Variants in NKAIN2 observed in about 807,000 individuals in gnomAD.
The protein encoded by NKAIN2 is sodium/potassium transporting ATPase interacting 2, also known as sodium/potassium-transporting ATPase subunit beta-1-interacting protein 2.
Under a neutral mutation model 32.6 loss-of-function variants are expected in NKAIN2, and 14 were observed. The observed-to-expected ratio is 0.43, with a 90% CI of 0.28 to 0.67. The LOEUF (loss-of-function observed/expected upper bound fraction) is 0.67, where lower values mean the gene tolerates loss of function less well. NKAIN2 is among the 30% of genes least tolerant of loss of function. The pLI is 0.17. For missense variants in NKAIN2, 198 were observed against 258.3 expected (o/e 0.77, Z 1.60); for synonymous variants, 80 against 87.2 (o/e 0.92, Z 0.46).
At chr6:124,208,379 A>G (rs1189846512) in intron 1 of NKAIN2, among the ~76,000 whole-genome samples, 2 of 151,856 alleles carry the variant, frequency 1.3e-5, no homozygotes, top group African/African-American at 4.8e-5. Flanking sequence ...TCAAACATAT[A>G]AACCCAACAT....
intron 1 of NKAIN2, among the ~76,000 whole-genome samples, chr6:124,272,554 A>C (rs961709403): frequency 3.3e-5 from 5 of 152,196 alleles, no homozygotes; most frequent in Non-Finnish European, 5.9e-5. Context: ...GCCATCATGG[A>C]GAACTTCTGT....
chr6:124,264,701 A>G (rs1284875574), intron 1 of NKAIN2, among the ~76,000 whole-genome samples: 2 of 152,204 alleles, frequency 1.3e-5, no homozygotes, highest in East Asian at 1.9e-4. Context: ...AGCAGCTACC[A>G]TAGCCTTATC....
At chr6:124,810,864 C>A (rs1297195473) in intron 5 of NKAIN2, among the ~76,000 whole-genome samples, 1 of 149,134 alleles carries the variant, frequency 6.7e-6, no homozygotes, top group Non-Finnish European at 1.5e-5. Flanking sequence ...ACCTTTCATG[C>A]AACAACAGGC....
chr6:124,341,456 G>A (rs1038133557), intron 2 of NKAIN2, among the ~76,000 whole-genome samples: 1 of 151,996 alleles, frequency 6.6e-6, no homozygotes, highest in Non-Finnish European at 1.5e-5. Context: ...ATTAAATATG[G>A]CATTTTCTCA....
At chr6:123,806,790 C>CT (rs1366932899) in intron 1 of NKAIN2, among the ~76,000 whole-genome samples, 1 of 151,930 alleles carries the variant, frequency 6.6e-6, no homozygotes, top group Non-Finnish European at 1.5e-5. Context: ...CAAAGAGACT[C>CT]TAAGTTAGAA....
chr6:124,099,517 C>T (rs886550169), intron 1 of NKAIN2, among the ~76,000 whole-genome samples: 5 of 152,094 alleles, frequency 3.3e-5, no homozygotes, highest in East Asian at 1.9e-4. Flanking sequence ...GACATTGTTC[C>T]GCCTTTGCAC....
intron 1 of NKAIN2, among the ~76,000 whole-genome samples, chr6:124,017,293 G>A (rs72974553): frequency 0.13 from 19,378 of 152,112 alleles, 1,497 homozygotes; most frequent in Admixed American, 0.21. Flanking sequence ...ACATGTGGGA[G>A]CTATGGGAGT....
At position 124,521,742 on chromosome 6, in the gene NKAIN2, G is replaced by A. The variant is rs544434298; in HGVS notation, c.274-136444G>A. Among the ~76,000 whole-genome samples the A allele has an allele frequency of 1.1e-4, 16 of 152,164 alleles. No homozygotes were observed. The South Asian group carries it at 1.2e-3, about 12-fold the overall frequency. On this transcript the variant is annotated intron_variant, in intron 3 of 6. Coordinates refer to ENST00000368417, the MANE Select transcript of NKAIN2 (RefSeq NM_001040214.3). ...AAATCAAGAACAGGTAAAATATTTG[G>A]GGCATGTGCTCTATTACTCCCTTGA...
chr6:124,128,839 A>G (rs1786312629), intron 1 of NKAIN2, among the ~76,000 whole-genome samples: 1 of 152,176 alleles, frequency 6.6e-6, no homozygotes, highest in Non-Finnish European at 1.5e-5. Flanking sequence ...CCACTAAAAG[A>G]GTGCAGATTC....
At chr6:124,593,445 G>T (rs1781981178) in intron 3 of NKAIN2, among the ~76,000 whole-genome samples, 1 of 152,096 alleles carries the variant, frequency 6.6e-6, no homozygotes, top group Non-Finnish European at 1.5e-5. Flanking sequence ...AAAGGAGAAA[G>T]TGGGCAGTGG....
intron 4 of NKAIN2, among the ~76,000 whole-genome samples, chr6:124,709,271 G>A (rs1019364095): frequency 8.0e-5 from 12 of 149,080 alleles, no homozygotes; most frequent in Non-Finnish European, 1.6e-4. Flanking sequence ...TTGCATCAAT[G>A]TTCATCAAGG....
chr6:124,693,723 G>T (rs776578728), intron 4 of NKAIN2, among the ~76,000 whole-genome samples: 1 of 152,190 alleles, frequency 6.6e-6, no homozygotes, highest in African/African-American at 2.4e-5. Flanking sequence ...TTTGGCATTT[G>T]TGTGGCTGGA....
At chr6:123,967,464 C>G (rs377384247) in intron 1 of NKAIN2, among the ~76,000 whole-genome samples, 1 of 152,162 alleles carries the variant, frequency 6.6e-6, no homozygotes, top group East Asian at 1.9e-4. Flanking sequence ...AACTTGCCCC[C>G]CTTTTGACTC....
chr6:124,119,352 A>G (rs59056280), intron 1 of NKAIN2, among the ~76,000 whole-genome samples: 7,110 of 152,216 alleles, frequency 0.047, 560 homozygotes, highest in African/African-American at 0.16. Flanking sequence ...TGCACCTGGG[A>G]ATGATCACCC....
intron 2 of NKAIN2, among the ~76,000 whole-genome samples, chr6:124,345,043 G>A (rs546676517): frequency 2.0e-5 from 3 of 152,068 alleles, no homozygotes; most frequent in African/African-American, 2.4e-5. Flanking sequence ...TTAGCATGAA[G>A]GGTTGTTGAA....
chr6:124,723,108 A>G (rs1296680985), intron 4 of NKAIN2, among the ~76,000 whole-genome samples: 1 of 152,238 alleles, frequency 6.6e-6, no homozygotes, highest in African/African-American at 2.4e-5. Context: ...AAGTACCTCA[A>G]GATAAGAAAG....
chr6:123,921,016 G>T (rs1775727214), intron 1 of NKAIN2, among the ~76,000 whole-genome samples: 1 of 152,164 alleles, frequency 6.6e-6, no homozygotes, highest in Admixed American at 6.5e-5. Flanking sequence ...AAAATTAAAT[G>T]AATAAGCCCT....
intron 1 of NKAIN2, among the ~76,000 whole-genome samples, chr6:123,976,092 G>A (rs924399622): frequency 3.3e-5 from 5 of 150,956 alleles, no homozygotes; most frequent in African/African-American, 1.2e-4. Context: ...CGTGCCTTTT[G>A]CCTTCTACCA....
chr6:124,441,826 A>G (rs1297792822), intron 3 of NKAIN2, among the ~76,000 whole-genome samples: 1 of 152,084 alleles, frequency 6.6e-6, no homozygotes, highest in Non-Finnish European at 1.5e-5. Flanking sequence ...GAAGGGGTTT[A>G]ATATAGTCAA....
Sources: allele counts gnomAD v4.1 joint callset (sites outside exome capture counted in the v4.1 genomes callset), GRCh38; gene constraint gnomAD v4.1.1; transcripts MANE v1.5; gene names NCBI Gene and HGNC (gene_info 2026-07-23, HGNC 2026-07-21).